Variants in CCSER1 observed in about 807,000 individuals in gnomAD.
CCSER1 encodes the protein coiled-coil serine rich protein 1.
A neutral mutation model predicts 82.0 loss-of-function variants in CCSER1; 41 were observed. The observed-to-expected ratio is 0.50, with a 90% CI of 0.39 to 0.65. The LOEUF is 0.65. Ranked by LOEUF, CCSER1 falls within the 30% of genes least tolerant of loss-of-function variation. CCSER1 has a pLI of 0.00. For missense variants in CCSER1, 1,119 were observed against 1,064.2 expected (o/e 1.05, Z -0.72); for synonymous variants, 414 against 383.9 (o/e 1.08, Z -0.92).
intron 1 of CCSER1, among the ~76,000 whole-genome samples, chr4:90,304,671 A>G (rs1363087128): frequency 6.6e-6 from 1 of 152,062 alleles, no homozygotes; most frequent in Non-Finnish European, 1.5e-5. Flanking sequence ...GTGGGGAGGG[A>G]TAGCTTTAGG....
chr4:91,366,986 A>C (rs1348281540), intron 10 of CCSER1, among the ~76,000 whole-genome samples: 1 of 151,982 alleles, frequency 6.6e-6, no homozygotes, highest in Non-Finnish European at 1.5e-5. Context: ...AGCAATCAAA[A>C]ATTTTTAAAA....
At chr4:90,853,370 G>T (rs933200181) in intron 8 of CCSER1, among the ~76,000 whole-genome samples, 1 of 152,032 alleles carries the variant, frequency 6.6e-6, no homozygotes, top group Non-Finnish European at 1.5e-5. Context: ...ATGAACCAAA[G>T]CATTGAAGCA....
At chr4:91,013,725 C>G (rs1237290879) in intron 9 of CCSER1, among the ~76,000 whole-genome samples, 1 of 127,028 alleles carries the variant, frequency 7.9e-6, no homozygotes, top group Non-Finnish European at 1.8e-5. Flanking sequence ...GCCTCAGGCT[C>G]CCGAGCAGCT....
At chr4:91,256,236 G>C (rs899861625) in intron 10 of CCSER1, among the ~76,000 whole-genome samples, 42 of 152,124 alleles carry the variant, frequency 2.8e-4, no homozygotes, top group Admixed American at 2.6e-3. Flanking sequence ...AGGGCCCCCA[G>C]CCTTGCTAGG....
chr4:90,912,468 C>G (rs1284639393), intron 8 of CCSER1, among the ~76,000 whole-genome samples: 2 of 152,110 alleles, frequency 1.3e-5, no homozygotes, highest in Non-Finnish European at 2.9e-5. Context: ...AAAGGACATC[C>G]ACACCAAAAC....
chr4:91,160,374 A>G (rs186178392), intron 10 of CCSER1, among the ~76,000 whole-genome samples: 235 of 152,302 alleles, frequency 1.5e-3, no homozygotes, highest in African/African-American at 5.5e-3. Flanking sequence ...ATGTGTCTTT[A>G]TAGTACCATG....
intron 1 of CCSER1, among the ~76,000 whole-genome samples, chr4:90,153,987 C>T (rs1406898330): frequency 6.6e-6 from 1 of 152,122 alleles, no homozygotes; most frequent in Non-Finnish European, 1.5e-5. Flanking sequence ...CCTAGGTTTT[C>T]TTCTAGGGTT....
chr4:91,322,047 G>A (rs1156590059), intron 10 of CCSER1, among the ~76,000 whole-genome samples: 1 of 152,032 alleles, frequency 6.6e-6, no homozygotes, highest in Non-Finnish European at 1.5e-5. Context: ...GGCACTGAAT[G>A]AATATCGGAT....
chr4:90,530,656 G>A (rs967458076), intron 5 of CCSER1, among the ~76,000 whole-genome samples: 1 of 152,094 alleles, frequency 6.6e-6, no homozygotes, highest in Non-Finnish European at 1.5e-5. Flanking sequence ...CTGTCATGGC[G>A]CTTGTAGGTA....
intron 8 of CCSER1, among the ~76,000 whole-genome samples, chr4:90,851,756 A>G (rs779454325): frequency 1.6e-4 from 24 of 152,122 alleles, no homozygotes; most frequent in Non-Finnish European, 2.9e-4. Context: ...AACTGTGGAC[A>G]CTGTAAATCT....
intron 10 of CCSER1, among the ~76,000 whole-genome samples, chr4:91,101,417 A>C (rs1725041605): frequency 6.6e-6 from 1 of 152,170 alleles, no homozygotes; most frequent in African/African-American, 2.4e-5. Context: ...TGCTGGGGCA[A>C]CCTCTTAAGA....
Position 90,408,932 on chromosome 4 carries a change from T to C in CCSER1, c.1603+8803T>C, listed in dbSNP as rs1754202631. Among the ~76,000 whole-genome samples, 8 of 152,136 alleles carry C rather than the reference T, an allele frequency of 5.3e-5. No homozygotes were observed. The South Asian group carries it at 1.7e-3, about 32-fold the overall frequency. ...GGAATAACCAATGCAGAGAAGTCCT[T>C]AAAGGACCTCATGGAGCTGAAAACC... is the stretch of plus-strand genomic sequence containing the variant. On this transcript the variant is annotated intron_variant, in intron 4 of 10. Coordinates refer to ENST00000509176, the MANE Select transcript of CCSER1 (RefSeq NM_001145065.2).
chr4:91,292,459 C>A (rs187060796), intron 10 of CCSER1, among the ~76,000 whole-genome samples: 92 of 151,472 alleles, frequency 6.1e-4, no homozygotes, highest in African/African-American at 2.1e-3. Context: ...CTCAGACAAC[C>A]CAAAATAAGC....
At chr4:90,629,416 G>A (rs1723934494) in intron 6 of CCSER1, among the ~76,000 whole-genome samples, 1 of 152,192 alleles carries the variant, frequency 6.6e-6, no homozygotes, top group Non-Finnish European at 1.5e-5. Flanking sequence ...CGATGAAGGA[G>A]CAAAGTCACG....
At chr4:90,513,345 A>C (rs1445999167) in intron 5 of CCSER1, among the ~76,000 whole-genome samples, 2 of 152,212 alleles carry the variant, frequency 1.3e-5, no homozygotes, top group African/African-American at 4.8e-5. Flanking sequence ...AGAACCACTG[A>C]AACAACTGAT....
chr4:90,546,484 T>A (rs1013933699), intron 5 of CCSER1, among the ~76,000 whole-genome samples: 3 of 152,184 alleles, frequency 2.0e-5, no homozygotes, highest in African/African-American at 7.2e-5. Flanking sequence ...ATGGCTGAAT[T>A]AATTGTTTAT....
At chr4:90,694,218 A>G (rs1736558203) in intron 6 of CCSER1, among the ~76,000 whole-genome samples, 1 of 151,730 alleles carries the variant, frequency 6.6e-6, no homozygotes, top group South Asian at 2.1e-4. Context: ...GTTAATAATT[A>G]TTAAGCATCT....
chr4:90,205,457 A>C (rs900495373), intron 1 of CCSER1, among the ~76,000 whole-genome samples: 2 of 152,190 alleles, frequency 1.3e-5, no homozygotes, highest in Admixed American at 1.3e-4. Context: ...TGAGATAATC[A>C]TGTGGTTTTT....
At chr4:90,960,674 C>T (rs1733970737) in intron 9 of CCSER1, among the ~76,000 whole-genome samples, 3 of 152,164 alleles carry the variant, frequency 2.0e-5, no homozygotes, top group South Asian at 4.1e-4. Flanking sequence ...GAAAGCTACA[C>T]TTGCCTTCAC....
Sources: allele counts gnomAD v4.1 joint callset (sites outside exome capture counted in the v4.1 genomes callset), GRCh38; gene constraint gnomAD v4.1.1; transcripts MANE v1.5; gene names NCBI Gene and HGNC (gene_info 2026-07-23, HGNC 2026-07-21).